MYO1C: variants seen among roughly 807,000 people sequenced by gnomAD.
MYO1C encodes myosin IC, also known as unconventional myosin-Ic.
In MYO1C, 104 loss-of-function variants were observed where a neutral mutation model predicts 150.8. The ratio of observed to expected loss-of-function variants is 0.69; its 90% CI spans 0.59 to 0.81. The LOEUF is 0.81. Among genes scored for constraint, MYO1C ranks in the 30% least tolerant of loss-of-function variants. The probability of loss-of-function intolerance (pLI) is 0.00; values close to 1 mark genes in which losing one functional copy is unlikely to be tolerated. For synonymous variants in MYO1C, 663 were observed against 579.9 expected (o/e 1.14, Z -2.06); for missense variants, 1,504 against 1,435.0 (o/e 1.05, Z -0.78).
chr17:1,467,471 G>A lies in MYO1C; in HGVS notation c.3065+9C>T, dbSNP rs779867022. On this transcript the variant is annotated intron_variant, in intron 30 of 31. Transcript: ENST00000648651. ...CCCGCCCTGTCCCCGGGGGCCGCCC[G>A]CGCCTCACCTGCCCTGGTTGATGTT... 6.2e-6 allele frequency: 10 copies of A among 1,608,528 alleles called. No individual in the cohort carries two copies. Among genetic ancestry groups the A allele is most frequent in the Admixed American group, 1.7e-5 (1 of 59,472 alleles).
At position 1,471,156 on chromosome 17, in the gene MYO1C, G is replaced by C. The variant is rs2074294397; in HGVS notation, c.2136-9C>G. The C allele has an allele frequency of 1.2e-6, 2 of 1,614,080 alleles. No individual in the cohort carries two copies. The highest frequency in any genetic ancestry group is 3.3e-5 in the Admixed American group (2 of 60,022). On this transcript the variant is annotated splice_polypyrimidine_tract_variant and intron_variant, in intron 20 of 31. Coordinates refer to ENST00000648651, the MANE Select transcript of MYO1C (RefSeq NM_001080779.2). ...GGATGAAGATCTTGGTCCTGGGAGA[G>C]CAGTAGTGATCAGCCCGGGGTTGCC...
rs1030896809 is a variant in MYO1C, at chr17:1,465,663, T to C, written c.*63A>G. ...TCTGGAAGTTCGAGTCTTTGGTAAC[T>C]GGGAAGGGGAGGAGGAGAAAAGCAA... On this transcript the variant is annotated 3_prime_UTR_variant, in exon 32 of 32. Transcript: ENST00000648651. The C allele has an allele frequency of 1.5e-6, 2 of 1,315,314 alleles. No homozygotes were observed. The highest frequency in any genetic ancestry group is 1.5e-5 in the African/African-American group (1 of 66,018). The allele number at this position is 1,315,314 out of a possible 1,614,324, so 81.5% of individuals were successfully genotyped here.
intron 17 of MYO1C, 94 bp downstream of exon 17, chr17:1,474,516 G>A (rs1051749456): frequency 2.6e-5 from 34 of 1,325,960 alleles, no homozygotes; most frequent in South Asian, 3.5e-5. Flanking sequence ...GCTCACACGC[G>A]TTCACACGCA....
intron 19 of MYO1C, 92 bp downstream of exon 19, chr17:1,471,815 T>A (rs988025443): frequency 4.1e-5 from 56 of 1,366,394 alleles, no homozygotes; most frequent in Non-Finnish European, 5.6e-5. Flanking sequence ...ATTTCTAAAA[T>A]GGGGCCGAGA....
Position 1,471,309 on chromosome 17 carries a change from C to T in MYO1C, c.2049G>A (p.Trp683Ter). Residue 683 changes from tryptophan to a stop codon, truncating the protein, a stop_gained, in exon 20 of 32, where the codon TGG becomes TGA. Transcript: ENST00000648651. LOFTEE classifies it high-confidence loss of function. ...QRYKSLCPET[W>*]PTWAGRPQDG... ...CCTGCGGCCGTCCTGCCCACGTGGG[C>T]CACGTCTCTGGGCACAGTGACTTGT... 6.2e-7 allele frequency: 1 copy of T among 1,613,890 alleles called. No individual in the cohort carries two copies. Among genetic ancestry groups the T allele is most frequent in the Non-Finnish European group, 8.5e-7 (1 of 1,179,978 alleles).
At position 1,470,630 on chromosome 17, in the gene MYO1C, T is replaced by C. The variant is rs1486195666; in HGVS notation, c.2272A>G (p.Lys758Glu). Reference sequence around the variant, plus strand: ...CCATGGGCCCGCGAACCTGATCTCTTCACCCGGAGGAATTTCTGCCGCCAG... The same window carrying C: ...CCATGGGCCCGCGAACCTGATCTCTCCACCCGGAGGAATTTCTGCCGCCAG... ...FHWRQKFLRV[K>E]RSAICIQSWW... The change falls in exon 22 of 32, where the codon AAG becomes GAG. Residue 758 changes from lysine (K) to glutamate (E), a missense_variant. Physicochemically the swap from Lys to Glu is moderately conservative, Grantham distance 56. Transcript: ENST00000648651. 6.2e-7 allele frequency: 1 copy of C among 1,611,916 alleles called. No individual in the cohort carries two copies. The highest frequency in any genetic ancestry group is 1.7e-5 in the Admixed American group (1 of 59,934).
At chr17:1,491,125 T>C (rs1323792105) in intron 1 of MYO1C, 3 of 152,246 alleles carry the variant, frequency 2.0e-5, no homozygotes, top group Non-Finnish European at 4.4e-5. Flanking sequence ...CCTGGATGAA[T>C]GAATGAATCT....
At position 1,467,239 on chromosome 17, in the gene MYO1C, C is replaced by T. The variant is rs1468046639; in HGVS notation, c.3165+3G>A. On this transcript the variant is annotated splice_donor_region_variant and intron_variant, in intron 31 of 31. Coordinates refer to ENST00000648651, the MANE Select transcript of MYO1C (RefSeq NM_001080779.2). The stretch of plus-strand genomic sequence containing the variant: ...CATAAGCGGGAAAGCAGGCCCCACT[C>T]ACCACAGCCAGGTGCCCGTTCTTGG... 3 of 1,610,188 alleles carry T rather than the reference C, an allele frequency of 1.9e-6. No homozygotes were observed. In the South Asian group the frequency reaches 3.3e-5, roughly 18 times the overall value.
rs77599018 is a variant in MYO1C, at chr17:1,490,665, G to C, written c.75+1748C>G. ...AACACCTCATGTTCATAGAGTGAAG[G>C]TTTAGGACACCCTCCATATGCCAGG... is the stretch of plus-strand genomic sequence containing the variant. On this transcript the variant is annotated intron_variant, in intron 1 of 31. Transcript: ENST00000648651. Among the ~76,000 whole-genome samples the C allele has an allele frequency of 7.0e-4, 106 of 152,172 alleles. 2 individuals are homozygous for C. The East Asian group carries it at 0.019, about 28-fold the overall frequency.
intron 1 of MYO1C, among the ~76,000 whole-genome samples, chr17:1,488,503 C>T (rs34582191): frequency 0.51 from 78,153 of 152,124 alleles, 20,664 homozygotes; most frequent in African/African-American, 0.58. Context: ...CTTTCAGTGA[C>T]GCCAGCCAAG....
At chr17:1,485,648 G>T in intron 1 of MYO1C, 2 of 1,195,092 alleles carry the variant, frequency 1.7e-6, no homozygotes, top group Non-Finnish European at 2.1e-6. Context: ...GAGGTGGGGA[G>T]GGACGCCCGG....
At chr17:1,491,478 G>T in intron 1 of MYO1C, 1 of 310,962 alleles carries the variant, frequency 3.2e-6, no homozygotes, top group Non-Finnish European at 4.6e-6. Context: ...CCACGCGGCC[G>T]TTCTTCGGCC....
At chr17:1,470,599 G>T (rs751600621) in intron 22 of MYO1C, 22 bp downstream of exon 22, 7 of 1,608,810 alleles carry the variant, frequency 4.4e-6, no homozygotes, top group Non-Finnish European at 3.4e-6. Context: ...CGCCCCTCCT[G>T]AACACCCATG....
Position 1,480,548 on chromosome 17 carries a change from A to C in MYO1C, c.885T>G (p.Asp295Glu), listed in dbSNP as rs750722011. 6.2e-7 allele frequency: 1 copy of C among 1,614,180 alleles called. No homozygotes were observed. Residue 295 changes from aspartate to glutamate, a missense_variant, in exon 7 of 32, where the codon GAT becomes GAG. Asp to Glu is a conservative substitution (Grantham distance 45, BLOSUM62 2). Coordinates refer to ENST00000648651, the MANE Select transcript of MYO1C (RefSeq NM_001080779.2). ...KVVRKALTVI[D>E]FTEDEVEDLL... ...TCACCTCCACTTCATCCTCGGTGAA[A>C]TCAATGACTGTCAGAGCCTTCCTGA...
intron 24 of MYO1C, 144 bp from the exon 25 acceptor site, chr17:1,469,758 G>A: frequency 1.3e-6 from 1 of 776,120 alleles, no homozygotes; most frequent in East Asian, 2.7e-5. Context: ...TACTCGGCAG[G>A]GCGCGGTGGC....
rs555218591 is a variant in MYO1C, at chr17:1,469,063, C to T, written c.2610+468G>A. ...TGTCCACTTCCTACACGAGGCCCAG[C>T]AGGGCCTGGCATCCAACTGAGGTCA... On this transcript the variant is annotated intron_variant, in intron 25 of 31. Coordinates refer to ENST00000648651, the MANE Select transcript of MYO1C (RefSeq NM_001080779.2). The T allele has an allele frequency of 2.1e-4, 63 of 299,926 alleles. 2 individuals are homozygous for T. The highest frequency in any genetic ancestry group is 1.9e-3 in the South Asian group (60 of 32,144). 18.6% of individuals were successfully genotyped at this position (299,926 alleles called of 1,614,324 possible).
In MYO1C at chr17:1,478,484, C is replaced by T. The variant is rs1258573477; in HGVS notation, c.1221G>A (p.Glu407=). 1.9e-6 allele frequency: 3 copies of T among 1,614,170 alleles called. No individual in the cohort carries two copies. In the East Asian group the frequency reaches 6.7e-5, roughly 36 times the overall value. The change falls in exon 11 of 32, where the codon GAG becomes GAA. Residue 407 remains glutamate, a synonymous_variant. Transcript: ENST00000648651. The surrounding 1 kb of genome is among the most constrained non-coding windows in gnomAD (Gnocchi z 6.3). ...INRSLASKDV[E]SPSWRSTTVL... ...CCGTGGTGCTCCGCCAGCTGGGGCT[C>T]TCCACGTCCTAGGGCAGTCATTCAA...
At chr17:1,484,872 TCCCACCCAGA>T in intron 1 of MYO1C, 2 of 341,196 alleles carry the variant, frequency 5.9e-6, no homozygotes, top group Non-Finnish European at 1.1e-5. Flanking sequence ...GGGCCGTCTC[TCCCACCCAGA>T]CCCACCCCCA....
Position 1,474,696 on chromosome 17 carries a change from T to C in MYO1C, c.1717-6A>G, listed in dbSNP as rs746826723. 8 of 1,613,988 alleles carry C rather than the reference T, an allele frequency of 5.0e-6. No homozygotes were observed. The Admixed American group carries it at 8.3e-5, about 17-fold the overall frequency. ...TTCTTTGAGCTACACATGGTCTGTG[T>C]GGGCAGAGCCGGGGTCAGGGTGGGG... On this transcript the variant is annotated splice_polypyrimidine_tract_variant and splice_region_variant and intron_variant, in intron 16 of 31. Transcript: ENST00000648651.
Sources: allele counts gnomAD v4.1 joint callset (sites outside exome capture counted in the v4.1 genomes callset), GRCh38; gene constraint gnomAD v4.1.1; non-coding constraint Gnocchi (gnomAD v3.1); transcripts MANE v1.5; gene names NCBI Gene and HGNC (gene_info 2026-07-23, HGNC 2026-07-21).